IL24: variants seen among roughly 807,000 people sequenced by gnomAD.
IL24 encodes interleukin 24.
Under a neutral mutation model 27.6 loss-of-function variants are expected in IL24, and 24 were observed. The ratio of observed to expected loss-of-function variants is 0.87; its 90% CI spans 0.63 to 1.22. The LOEUF is 1.22. IL24 is among the 50% of genes most tolerant of loss of function. IL24 has a pLI of 0.00. For synonymous variants in IL24, 99 were observed against 93.1 expected, an observed-to-expected ratio of 1.06 and a Z score of -0.36; for missense variants, 240 against 237.0, an observed-to-expected ratio of 1.01 and a Z score of -0.08.
Position 206,903,631 on chromosome 1 carries a change from T to C in IL24, c.*572T>C, listed in dbSNP as rs1678490556. 1 of 152,890 alleles carries C rather than the reference T, an allele frequency of 6.5e-6. No homozygotes were observed. The highest frequency in any genetic ancestry group is 2.4e-5 in the African/African-American group (1 of 41,418). The allele number at this position is 152,890 out of a possible 1,614,324, so 9.5% of individuals were successfully genotyped here. ...TGAAAAGTAAACGATAAAATGTGGATTAAAGTGCCCAGCACAAAGCAGATC... is the reference window on the plus strand; with the variant it reads ...TGAAAAGTAAACGATAAAATGTGGACTAAAGTGCCCAGCACAAAGCAGATC... On this transcript the variant is annotated 3_prime_UTR_variant, in exon 7 of 7. Transcript: ENST00000294984.
chr1:206,901,378 T>A (rs1022439543), intron 4 of IL24, 116 bp from the exon 5 acceptor site: 1 of 1,189,458 alleles, frequency 8.4e-7, no homozygotes, highest in African/African-American at 1.6e-5. Context: ...CATCACCTTC[T>A]AGAAGATCCC....
intron 2 of IL24, among the ~76,000 whole-genome samples, 183 bp from the exon 3 acceptor site, chr1:206,899,137 G>A (rs1416569868): frequency 6.6e-6 from 1 of 152,194 alleles, no homozygotes; most frequent in Non-Finnish European, 1.5e-5. Context: ...AGTTTGAGGG[G>A]CAGAAAGACC....
At chr1:206,901,257 T>A (rs1470526041) in intron 4 of IL24, among the ~76,000 whole-genome samples, 2 of 152,118 alleles carry the variant, frequency 1.3e-5, no homozygotes, top group African/African-American at 4.8e-5. Context: ...TGCCACTGAT[T>A]GACTATGTGA....
chr1:206,903,082 C>A lies in IL24; in HGVS notation c.*23C>A, dbSNP rs1159306661. The A allele has an allele frequency of 1.3e-6, 2 of 1,578,584 alleles. 1 individual carries two copies. The highest frequency in any genetic ancestry group is 1.7e-6 in the Non-Finnish European group (2 of 1,147,492). On this transcript the variant is annotated 3_prime_UTR_variant, in exon 7 of 7. Transcript: ENST00000294984. ...TGAATGTCTAGACCAGGACCTCCCT[C>A]CCCCTGGCACTGGTTTGTTCCCTGT...
At chr1:206,902,393 AC>A (rs1678426135) in intron 6 of IL24, 1 of 400,102 alleles carries the variant, frequency 2.5e-6, no homozygotes, top group Non-Finnish European at 3.3e-6. Flanking sequence ...GAAGGGAGAC[AC>A]CCCACCCCCA....
Position 206,900,338 on chromosome 1 carries a change from A to G in IL24, c.284A>G (p.Glu95Gly). ...ACGAGTGCCCGGCTGCTGCAGCAGG[A>G]GGTTCTGCAGAACGTCTCGGTAATC... Reference protein sequence around the residue: ...NITSARLLQQEVLQNVSDAES... With the variant: ...NITSARLLQQGVLQNVSDAES... Residue 95 changes from glutamate to glycine, a missense_variant, in exon 4 of 7, where the codon GAG becomes GGG. Physicochemically the swap from Glu to Gly is moderately conservative, Grantham distance 98 (BLOSUM62 -2). Coordinates refer to ENST00000294984, the MANE Select transcript of IL24 (RefSeq NM_006850.3). The G allele has an allele frequency of 6.2e-7, 1 of 1,613,978 alleles. No homozygotes were observed. Among genetic ancestry groups the G allele is most frequent in the East Asian group, 2.2e-5 (1 of 44,856 alleles).
At chr1:206,901,885 C>A in intron 5 of IL24, 113 bp from the exon 6 acceptor site, 1 of 1,112,066 alleles carries the variant, frequency 9.0e-7, no homozygotes, top group South Asian at 1.4e-5. Flanking sequence ...CAGGATTCAG[C>A]CCTGGGCTCT....
rs766759201 is a variant in IL24, at chr1:206,901,512, C to A, written c.322C>A (p.Leu108Ile). ...QNVSDAESCY[L>I]VHTLLEFYLK... ...TCCCCAGGATGCTGAGAGCTGTTACCTTGTCCACACCCTGCTGGAGTTCTA... is the reference window on the plus strand; with the variant it reads ...TCCCCAGGATGCTGAGAGCTGTTACATTGTCCACACCCTGCTGGAGTTCTA... The change falls in exon 5 of 7, where the codon CTT becomes ATT. Residue 108 changes from leucine (L) to isoleucine (I), a missense_variant. Transcript: ENST00000294984. 1 of 1,613,206 alleles carries A rather than the reference C, an allele frequency of 6.2e-7. No individual in the cohort carries two copies. The highest frequency in any genetic ancestry group is 1.7e-5 in the Admixed American group (1 of 59,974).
At chr1:206,902,154 A>G (rs1035155382) in intron 6 of IL24, 82 bp downstream of exon 6, 73 of 1,586,232 alleles carry the variant, frequency 4.6e-5, no homozygotes, top group South Asian at 1.4e-4. Context: ...CAGAGACCCA[A>G]TGCAGAATGT....
Position 206,900,341 on chromosome 1 carries a change from T to C in IL24, c.287T>C (p.Val96Ala), listed in dbSNP as rs773824471. ...AGTGCCCGGCTGCTGCAGCAGGAGGTTCTGCAGAACGTCTCGGTAATCAGA... is the reference window on the plus strand; with the variant it reads ...AGTGCCCGGCTGCTGCAGCAGGAGGCTCTGCAGAACGTCTCGGTAATCAGA... Reference protein sequence around the residue: ...ITSARLLQQEVLQNVSDAESC... With the variant: ...ITSARLLQQEALQNVSDAESC... Residue 96 changes from valine to alanine, a missense_variant, in exon 4 of 7, where the codon GTT becomes GCT. By Grantham distance (64) the Val-to-Ala change is moderately conservative. Coordinates refer to ENST00000294984, the MANE Select transcript of IL24 (RefSeq NM_006850.3). The C allele has an allele frequency of 6.2e-7, 1 of 1,613,490 alleles. No individual in the cohort carries two copies. Among genetic ancestry groups the C allele is most frequent in the Non-Finnish European group, 8.5e-7 (1 of 1,179,874 alleles).
intron 2 of IL24, among the ~76,000 whole-genome samples, chr1:206,898,791 C>T (rs921284818): frequency 6.6e-6 from 1 of 152,114 alleles, no homozygotes; most frequent in African/African-American, 2.4e-5. Flanking sequence ...CTCCCTGGGA[C>T]CAGGATTAAC....
At chr1:206,902,904 G>C in intron 6 of IL24, 72 bp from the exon 7 acceptor site, 1 of 1,611,644 alleles carries the variant, frequency 6.2e-7, no homozygotes, top group Non-Finnish European at 8.5e-7. Flanking sequence ...GTCTATTTTA[G>C]GCATGGCAGG....
chr1:206,903,094 GGTTT>G lies in IL24; in HGVS notation c.*39_*42del. The G allele has an allele frequency of 6.4e-7, 1 of 1,556,356 alleles. No individual in the cohort carries two copies. The highest frequency in any genetic ancestry group is 1.1e-5 in the South Asian group (1 of 89,894). On this transcript the variant is annotated 3_prime_UTR_variant, in exon 7 of 7. Coordinates refer to ENST00000294984, the MANE Select transcript of IL24 (RefSeq NM_006850.3). Reference sequence around the variant, plus strand: ...CCAGGACCTCCCTCCCCCTGGCACTGGTTTGTTCCCTGTGTCATTTCAAACAGTC... The same window carrying G: ...CCAGGACCTCCCTCCCCCTGGCACTGGTTCCCTGTGTCATTTCAAACAGTC...
intron 3 of IL24, among the ~76,000 whole-genome samples, chr1:206,899,945 A>G (rs767322548): frequency 9.9e-5 from 15 of 152,258 alleles, no homozygotes; most frequent in African/African-American, 3.6e-4. Flanking sequence ...AATCCTGCCC[A>G]TAGTGGTTCT....
chr1:206,900,724 A>G (rs559030309), intron 4 of IL24, among the ~76,000 whole-genome samples: 19 of 151,782 alleles, frequency 1.3e-4, no homozygotes, highest in Admixed American at 2.6e-4. Context: ...CCTTTGGTCC[A>G]TCTGGCCTTT....
Position 206,902,893 on chromosome 1 carries a change from G to A in IL24, c.538-83G>A, listed in dbSNP as rs1171045745. Reference sequence around the variant, plus strand: ...TGACCCATCCCTTGGATTGGAGTCAGGTCTATTTTAGGCATGGCAGGTTGG... The same window carrying A: ...TGACCCATCCCTTGGATTGGAGTCAAGTCTATTTTAGGCATGGCAGGTTGG... On this transcript the variant is annotated intron_variant, in intron 6 of 6. Coordinates refer to ENST00000294984, the MANE Select transcript of IL24 (RefSeq NM_006850.3). 1.4e-5 allele frequency: 22 copies of A among 1,608,152 alleles called. No homozygotes were observed. In the South Asian group the frequency reaches 2.2e-4, roughly 16 times the overall value.
At chr1:206,899,544 C>G in intron 3 of IL24, 29 bp downstream of exon 3, 1 of 1,517,364 alleles carries the variant, frequency 6.6e-7, no homozygotes, top group Non-Finnish European at 8.8e-7. Context: ...TGGACCCAGT[C>G]GTGGGGGTTC....
Position 206,901,833 on chromosome 1 carries a change from T to C in IL24, c.463-165T>C, listed in dbSNP as rs3093448. Among the ~76,000 whole-genome samples the C allele has an allele frequency of 6.5e-3, 996 of 152,304 alleles. 10 individuals carry two copies. The highest frequency in any genetic ancestry group is 0.01 in the Non-Finnish European group (702 of 68,030). ...TGCGAGAATTAAAGGAGGTAGCCCCTTTCACAAGGTGGGAGTTTGGTATTG... is the reference window on the plus strand; with the variant it reads ...TGCGAGAATTAAAGGAGGTAGCCCCCTTCACAAGGTGGGAGTTTGGTATTG... On this transcript the variant is annotated intron_variant, in intron 5 of 6. Coordinates refer to ENST00000294984, the MANE Select transcript of IL24 (RefSeq NM_006850.3).
At chr1:206,899,582 G>A in intron 3 of IL24, 67 bp downstream of exon 3, 1 of 1,313,336 alleles carries the variant, frequency 7.6e-7, no homozygotes. Context: ...GTGGGGCGAG[G>A]GGATGCTATT....
Sources: gnomAD v4.1 joint callset for allele counts (sites outside exome capture counted in the v4.1 genomes callset) on GRCh38, gnomAD v4.1.1 for gene constraint, MANE v1.5 for transcripts, NCBI Gene and HGNC (gene_info 2026-07-23, HGNC 2026-07-21) for gene names.